The following QKI variants were observed in gnomAD, a reference collection of about 807,000 sequenced individuals.
QKI encodes the protein QKI, KH domain containing RNA binding.
In QKI, 10 loss-of-function variants were observed where a neutral mutation model predicts 39.0. That is an observed-to-expected ratio of 0.26 (90% CI 0.16 to 0.43). QKI has a LOEUF of 0.43. Among genes scored for constraint, QKI ranks in the 20% least tolerant of loss-of-function variants. The probability of loss-of-function intolerance (pLI) is 1.00; values close to 1 mark genes in which losing one functional copy is unlikely to be tolerated. For synonymous variants in QKI, 204 were observed against 155.4 expected, an observed-to-expected ratio of 1.31 and a Z score of -2.33; for missense variants, 218 against 428.0, an observed-to-expected ratio of 0.51 and a Z score of 4.33.
intron 6 of QKI, chr6:163,564,258 T>G (rs1783214001): frequency 9.7e-7 from 1 of 1,028,286 alleles, no homozygotes; most frequent in Non-Finnish European, 1.2e-6. Flanking sequence ...GTCTAAGAAT[T>G]GCCTTGTCTG....
intron 3 of QKI, among the ~76,000 whole-genome samples, chr6:163,507,448 G>A (rs1779167819): frequency 6.6e-6 from 1 of 152,184 alleles, no homozygotes. Context: ...TTGAAGGAAG[G>A]AAGTTAGTAC....
At chr6:163,448,368 C>T (rs1465231248) in intron 1 of QKI, among the ~76,000 whole-genome samples, 2 of 146,464 alleles carry the variant, frequency 1.4e-5, no homozygotes, top group African/African-American at 2.5e-5. Flanking sequence ...AGTTTGAAAG[C>T]AGTTACTTTG....
intron 4 of QKI, among the ~76,000 whole-genome samples, chr6:163,542,848 C>T (rs919759388): frequency 1.3e-5 from 2 of 151,914 alleles, no homozygotes; most frequent in Admixed American, 6.6e-5. Flanking sequence ...CAAATTTCCA[C>T]CTGCGGGTTT....
At chr6:163,497,469 A>T (rs899134912) in intron 3 of QKI, among the ~76,000 whole-genome samples, 5 of 151,784 alleles carry the variant, frequency 3.3e-5, no homozygotes, top group African/African-American at 4.8e-5. Flanking sequence ...TCAGTAGCAA[A>T]TTTTTTTTAA....
chr6:163,566,456 C>A lies in QKI; in HGVS notation c.935-265C>A. 4 of 1,305,038 alleles carry A rather than the reference C, an allele frequency of 3.1e-6. 2 individuals are homozygous for A. In the South Asian group the frequency reaches 6.5e-5, roughly 21 times the overall value. 80.8% of individuals were successfully genotyped at this position (1,305,038 alleles called of 1,614,324 possible). A position where few individuals can be genotyped will look rare whatever the true frequency, so the allele number is the denominator to read the frequency against. On this transcript the variant is annotated intron_variant, in intron 6 of 7. Transcript: ENST00000361752. ...TTAAATATGTTTGGATCTAATAGAG[C>A]TCATGAAATACTGTAACTTGGGGAT...
intron 4 of QKI, among the ~76,000 whole-genome samples, chr6:163,549,107 T>A (rs1218577224): frequency 6.6e-6 from 1 of 152,046 alleles, no homozygotes. Context: ...CTTACAATCA[T>A]GGCGGAAGGC....
intron 4 of QKI, among the ~76,000 whole-genome samples, chr6:163,547,256 G>T (rs1046785294): frequency 5.9e-5 from 9 of 152,172 alleles, no homozygotes; most frequent in African/African-American, 1.9e-4. Flanking sequence ...TTGAAAAACT[G>T]CAGTTTACAA....
chr6:163,472,631 A>T (rs1275654290), intron 2 of QKI, among the ~76,000 whole-genome samples: 2 of 152,234 alleles, frequency 1.3e-5, no homozygotes, highest in Non-Finnish European at 2.9e-5. Flanking sequence ...ACCATATGCT[A>T]TGCTGAAAAG....
intron 3 of QKI, among the ~76,000 whole-genome samples, chr6:163,506,850 C>G (rs1250727308): frequency 6.6e-6 from 1 of 152,160 alleles, no homozygotes; most frequent in Non-Finnish European, 1.5e-5. Flanking sequence ...ACACCCCTTT[C>G]AGTGTTGTGT....
chr6:163,538,504 G>C (rs978971775), intron 4 of QKI, among the ~76,000 whole-genome samples: 11 of 152,142 alleles, frequency 7.2e-5, no homozygotes, highest in African/African-American at 2.7e-4. Context: ...AGCAGTAGGA[G>C]GTGAGGTCGG....
chr6:163,557,621 A>G (rs1371261298), intron 4 of QKI, among the ~76,000 whole-genome samples: 1 of 152,218 alleles, frequency 6.6e-6, no homozygotes, highest in Non-Finnish European at 1.5e-5. Flanking sequence ...CAATAGCACA[A>G]CAGGGTGACT....
chr6:163,458,347 A>G (rs1258109146), intron 2 of QKI, among the ~76,000 whole-genome samples: 1 of 152,208 alleles, frequency 6.6e-6, no homozygotes, highest in African/African-American at 2.4e-5. Flanking sequence ...TGAGTGAAGC[A>G]GTTGGAAAAC....
At chr6:163,471,935 A>G (rs891726456) in intron 2 of QKI, among the ~76,000 whole-genome samples, 2 of 152,142 alleles carry the variant, frequency 1.3e-5, no homozygotes, top group East Asian at 3.9e-4. Context: ...AATAAATTCT[A>G]TCTATATTAG....
chr6:163,525,833 CCATTAGTTTATCT>C (rs1220407515), intron 3 of QKI, among the ~76,000 whole-genome samples: 1 of 152,086 alleles, frequency 6.6e-6, no homozygotes, highest in African/African-American at 2.4e-5. Context: ...AGGTTTCTGC[CCATTAGTTTATCT>C]CATTTTTAAA....
intron 7 of QKI, chr6:163,570,359 A>G: frequency 2.0e-6 from 2 of 982,890 alleles, no homozygotes; most frequent in Non-Finnish European, 2.4e-6. Context: ...AAACCTATTC[A>G]TTGTTGTTTT....
At chr6:163,435,904 ATTTC>A (rs1297401187) in intron 1 of QKI, among the ~76,000 whole-genome samples, 30 of 152,306 alleles carry the variant, frequency 2.0e-4, no homozygotes, top group African/African-American at 7.2e-4. Context: ...ATGGTAGAAA[ATTTC>A]TATTACAGGA....
chr6:163,415,133 T>C lies in QKI; in HGVS notation c.-61T>C, dbSNP rs1017410346. On this transcript the variant is annotated 5_prime_UTR_variant, in exon 1 of 8. Coordinates refer to ENST00000361752, the MANE Select transcript of QKI (RefSeq NM_006775.3). ...CGCGGCCGGGGCTCGCCCCCGCCCC[T>C]CCCTCCTCTCCGGCGGCGGCGGCGG... The C allele has an allele frequency of 2.3e-5, 30 of 1,297,982 alleles. No homozygotes were observed. In the African/African-American group the frequency reaches 2.5e-4, roughly 11 times the overall value. 80.4% of individuals were successfully genotyped at this position (1,297,982 alleles called of 1,614,324 possible).
At chr6:163,516,194 T>A (rs1465144718) in intron 3 of QKI, among the ~76,000 whole-genome samples, 1 of 152,192 alleles carries the variant, frequency 6.6e-6, no homozygotes, top group Non-Finnish European at 1.5e-5. Flanking sequence ...CACATGACAC[T>A]CAACAACATA....
chr6:163,431,572 ATCTTTGTTAGGTC>A (rs1788831842), intron 1 of QKI, among the ~76,000 whole-genome samples: 2 of 152,114 alleles, frequency 1.3e-5, no homozygotes, highest in Admixed American at 1.3e-4. Flanking sequence ...AAAAATACTT[ATCTTTGTTAGGTC>A]ATTTAAACAA....
Sources: allele counts gnomAD v4.1 joint callset (sites outside exome capture counted in the v4.1 genomes callset), GRCh38; gene constraint gnomAD v4.1.1; transcripts MANE v1.5; gene names NCBI Gene and HGNC (gene_info 2026-07-23, HGNC 2026-07-21).